The following FRMD3 variants were observed in gnomAD, a reference collection of about 807,000 sequenced individuals.
FRMD3 encodes FERM domain-containing protein 3.
Under a neutral mutation model 70.2 loss-of-function variants are expected in FRMD3, and 33 were observed. The observed-to-expected ratio is 0.47, with a 90% CI of 0.36 to 0.63. The LOEUF is 0.63. FRMD3 is among the 20% of genes least tolerant of loss of function. The pLI, the probability that FRMD3 is intolerant of heterozygous loss-of-function variation, is 0.00. For synonymous variants in FRMD3, 279 were observed against 255.9 expected (o/e 1.09, Z -0.86); for missense variants, 632 against 711.4 (o/e 0.89, Z 1.27).
At chr9:83,555,180 C>T in the FRMD3 span, among the ~76,000 whole-genome samples, 21 of 149,998 alleles carry the variant, frequency 1.4e-4, no homozygotes, top group East Asian at 3.4e-3. Context: ...CTTTGGCCCC[C>T]AGTCACCTCA....
chr9:83,506,887 T>C (rs183204561), intron 1 of FRMD3, among the ~76,000 whole-genome samples: 56 of 152,374 alleles, frequency 3.7e-4, no homozygotes, highest in Non-Finnish European at 4.1e-4. Context: ...TGTTCTATTT[T>C]TGTATTTTTA....
upstream of FRMD3, among the ~76,000 whole-genome samples, chr9:83,540,162 G>T (rs1298277392): frequency 1.3e-5 from 2 of 152,162 alleles, no homozygotes; most frequent in Admixed American, 1.3e-4. Context: ...ATGCACATAT[G>T]AGGTGGCAGG....
chr9:83,309,427 T>C (rs1475508197), intron 10 of FRMD3, 109 bp downstream of exon 10: 2 of 656,046 alleles, frequency 3.0e-6, no homozygotes, highest in Non-Finnish European at 5.1e-6. Context: ...TACTTAAATA[T>C]AACTTTTAAA....
At chr9:83,538,570 G>C, upstream of FRMD3, 1 of 199,322 alleles carries the variant, frequency 5.0e-6, no homozygotes, top group Non-Finnish European at 1.0e-5. This position sits in a 1 kb window ranked among gnomAD's most constrained non-coding sequence, Gnocchi z 4.7. Flanking sequence ...CACGCGCGCC[G>C]AGCAGCTGAA....
chr9:83,498,440 A>G (rs1262840414), intron 1 of FRMD3, among the ~76,000 whole-genome samples: 1 of 152,232 alleles, frequency 6.6e-6, no homozygotes, highest in East Asian at 1.9e-4. Context: ...AGCACCTTCC[A>G]TAAAATCTCT....
chr9:83,380,432 A>G (rs1053386073), intron 2 of FRMD3, among the ~76,000 whole-genome samples: 38 of 152,320 alleles, frequency 2.5e-4, no homozygotes, highest in African/African-American at 8.4e-4. Flanking sequence ...ACAGTCTATG[A>G]ACCTGAAGGA....
chr9:83,258,906 C>T (rs1010214043), intron 13 of FRMD3, among the ~76,000 whole-genome samples: 3 of 152,154 alleles, frequency 2.0e-5, no homozygotes, highest in Non-Finnish European at 4.4e-5. Context: ...TACTAGTTCC[C>T]TTGGAGGCAC....
chr9:83,393,256 T>C (rs11999689), intron 1 of FRMD3, among the ~76,000 whole-genome samples: 4,199 of 152,294 alleles, frequency 0.028, 197 homozygotes, highest in African/African-American at 0.091. Flanking sequence ...ATAAATACTG[T>C]ACTAAAATAA....
intron 1 of FRMD3, among the ~76,000 whole-genome samples, chr9:83,421,660 G>T (rs1826647504): frequency 6.6e-6 from 1 of 152,136 alleles, no homozygotes; most frequent in Admixed American, 6.5e-5. Context: ...AATAACTGAT[G>T]GCAGTCAGGT....
chr9:83,390,639 C>T (rs1825642318), intron 1 of FRMD3, among the ~76,000 whole-genome samples: 1 of 152,134 alleles, frequency 6.6e-6, no homozygotes, highest in Non-Finnish European at 1.5e-5. Flanking sequence ...GATGTAACAG[C>T]CAAATCTGAT....
intron 2 of FRMD3, among the ~76,000 whole-genome samples, chr9:83,382,956 C>G (rs970980816): frequency 6.6e-6 from 1 of 152,166 alleles, no homozygotes; most frequent in East Asian, 1.9e-4. Context: ...TATCACTTTT[C>G]CCCCAAAACC....
At chr9:83,314,551 C>T (rs1835490557) in intron 6 of FRMD3, among the ~76,000 whole-genome samples, 1 of 152,168 alleles carries the variant, frequency 6.6e-6, no homozygotes, top group African/African-American at 2.4e-5. Flanking sequence ...CACTTAACTT[C>T]CTTCCCAAAG....
At chr9:83,456,589 A>C (rs577031649) in intron 1 of FRMD3, among the ~76,000 whole-genome samples, 1 of 152,356 alleles carries the variant, frequency 6.6e-6, no homozygotes, top group African/African-American at 2.4e-5. Context: ...TATGTTCATC[A>C]AACTACATGG....
Position 83,343,298 on chromosome 9 carries a change from A to T in FRMD3, c.375-11T>A. On this transcript the variant is annotated splice_polypyrimidine_tract_variant and intron_variant, in intron 4 of 13. Transcript: ENST00000304195. ...AGGTATAAAAGGTATCTGCAATACA[A>T]AAGGAGAAATGGTCACTCTAACTTT... 1 of 1,578,252 alleles carries T rather than the reference A, an allele frequency of 6.3e-7. No homozygotes were observed. Among genetic ancestry groups the T allele is most frequent in the Non-Finnish European group, 8.7e-7 (1 of 1,147,282 alleles).
intron 10 of FRMD3, among the ~76,000 whole-genome samples, chr9:83,303,773 A>G (rs1835011709): frequency 6.6e-6 from 1 of 152,206 alleles, no homozygotes; most frequent in African/African-American, 2.4e-5. Context: ...TTTTAGTATA[A>G]TTCATGAAGT....
chr9:83,255,868 A>G (rs1832682344), intron 13 of FRMD3, among the ~76,000 whole-genome samples: 1 of 152,206 alleles, frequency 6.6e-6, no homozygotes, highest in Non-Finnish European at 1.5e-5. Flanking sequence ...GCTCAAAGAA[A>G]TCAGAGATGA....
chr9:83,372,978 C>T (rs1213109516), intron 2 of FRMD3, 23 bp from the exon 3 acceptor site: 28 of 1,589,854 alleles, frequency 1.8e-5, no homozygotes, highest in Non-Finnish European at 2.3e-5. Flanking sequence ...AAAAAAAAAG[C>T]AGAGATCAGG....
At chr9:83,470,521 T>C (rs1828244174) in intron 1 of FRMD3, among the ~76,000 whole-genome samples, 1 of 152,190 alleles carries the variant, frequency 6.6e-6, no homozygotes, top group Non-Finnish European at 1.5e-5. Flanking sequence ...ATTTGTTAAT[T>C]TGTTTAAGGG....
At chr9:83,320,759 C>T (rs1475866457) in intron 6 of FRMD3, among the ~76,000 whole-genome samples, 2 of 152,102 alleles carry the variant, frequency 1.3e-5, no homozygotes, top group Non-Finnish European at 2.9e-5. Context: ...ATTAGTTCTT[C>T]TTTGCATGTT....
Sources: gnomAD v4.1 joint callset for allele counts (sites outside exome capture counted in the v4.1 genomes callset) on GRCh38, gnomAD v4.1.1 for gene constraint, Gnocchi (gnomAD v3.1) non-coding constraint, MANE v1.5 for transcripts, NCBI Gene and HGNC (gene_info 2026-07-23, HGNC 2026-07-21) for gene names.